C2orf78: variants seen among roughly 807,000 people sequenced by gnomAD.
The protein encoded by C2orf78 is uncharacterized protein C2orf78.
In C2orf78, 12 loss-of-function variants were observed where a neutral mutation model predicts 21.4. That is an observed-to-expected ratio of 0.56 (90% CI 0.36 to 0.91). The LOEUF is 0.91. Among genes scored for constraint, C2orf78 ranks in the 40% least tolerant of loss-of-function variants. The pLI is 0.01. For synonymous variants in C2orf78, 396 were observed against 413.9 expected, an observed-to-expected ratio of 0.96 and a Z score of 0.52; for missense variants, 1,042 against 1,092.4, an observed-to-expected ratio of 0.95 and a Z score of 0.65.
intron 1 of C2orf78, 117 bp from the exon 2 acceptor site, chr2:73,813,360 G>A (rs1219739207): frequency 1.9e-6 from 2 of 1,052,224 alleles, no homozygotes; most frequent in African/African-American, 3.2e-5. Flanking sequence ...GTATCTCAGT[G>A]AGTATTGGTA....
chr2:73,814,348 T>A, intron 2 of C2orf78, 122 bp downstream of exon 2: 4 of 1,102,064 alleles, frequency 3.6e-6, no homozygotes, highest in Non-Finnish European at 5.1e-6. Flanking sequence ...CAACCACTAT[T>A]CTTTGGCAGT....
chr2:73,816,566 C>T, exon 3 of C2orf78: 1 of 1,613,714 alleles, frequency 6.2e-7, no homozygotes, highest in African/African-American at 1.3e-5. Flanking sequence ...CAGGTCCTGC[C>T]ACACCAGCTC....
chr2:73,817,109 G>A (rs1673220568), exon 3 of C2orf78: 5 of 1,176,142 alleles, frequency 4.3e-6, no homozygotes, highest in Admixed American at 3.2e-5. Flanking sequence ...TAATAGAATT[G>A]ATTAATAGAT....
rs375344441 is a variant in C2orf78, at chr2:73,785,961, A to G, written c.97+1555A>G. Among the ~76,000 whole-genome samples the G allele has an allele frequency of 9.0e-4, 137 of 151,626 alleles. 1 individual carries two copies. The highest frequency in any genetic ancestry group is 2.5e-3 in the South Asian group (12 of 4,760). On this transcript the variant is annotated intron_variant, in intron 1 of 2. Transcript: ENST00000409561. ...CTTGGGAGGCTGAGGCAGGACAATC[A>G]CTTGAACCCGAGAGGCAAAGGTTGT...
intron 1 of C2orf78, chr2:73,809,005 A>G: frequency 1.8e-6 from 1 of 571,142 alleles, no homozygotes; most frequent in Non-Finnish European, 3.1e-6. Flanking sequence ...TAACAGGGAA[A>G]GTATTGAAGT....
chr2:73,815,093 G>A, exon 3 of C2orf78: 2 of 1,612,724 alleles, frequency 1.2e-6, no homozygotes, highest in South Asian at 2.2e-5. Context: ...CCCTGGGGAT[G>A]GATACTTCCC....
intron 1 of C2orf78, among the ~76,000 whole-genome samples, chr2:73,786,264 T>G (rs1202732847): frequency 6.6e-6 from 1 of 151,100 alleles, no homozygotes; most frequent in South Asian, 2.1e-4. Context: ...CCTGTAATCC[T>G]CCTACTTGGG....
chr2:73,816,122 C>T (rs201600044), exon 3 of C2orf78: 27 of 1,613,742 alleles, frequency 1.7e-5, no homozygotes, highest in African/African-American at 8.0e-5. Flanking sequence ...TGCTAGAGTC[C>T]GTGCAAGTTT....
chr2:73,811,024 C>G (rs999568033), intron 1 of C2orf78, among the ~76,000 whole-genome samples: 1 of 149,654 alleles, frequency 6.7e-6, no homozygotes, highest in Admixed American at 6.8e-5. Flanking sequence ...AGCTCGGTGG[C>G]TCACACCTAT....
chr2:73,816,336 C>T (rs1462932135), exon 3 of C2orf78: 1 of 1,613,834 alleles, frequency 6.2e-7, no homozygotes, highest in Admixed American at 1.7e-5. Context: ...GTGTACATCT[C>T]CATCCCACTC....
At position 73,814,296 on chromosome 2, in the gene C2orf78, G is replaced by A. The variant is rs900512874; in HGVS notation, c.847+70G>A. 6 of 1,474,966 alleles carry A rather than the reference G, an allele frequency of 4.1e-6. No homozygotes were observed. In the Admixed American group the frequency reaches 6.7e-5, roughly 16 times the overall value. 91.4% of individuals were successfully genotyped at this position (1,474,966 alleles called of 1,614,324 possible). A position where few individuals can be genotyped will look rare whatever the true frequency, so the allele number is the denominator to read the frequency against. The stretch of plus-strand genomic sequence containing the variant: ...AAAAGGAGGGTCAAATCTGTAGCGA[G>A]TGGTGAGTCCGTGGATAGGTAGAAT... On this transcript the variant is annotated intron_variant, in intron 2 of 2. Coordinates refer to ENST00000409561, the Ensembl canonical transcript of C2orf78.
At chr2:73,807,008 G>A (rs1178616080) in intron 1 of C2orf78, among the ~76,000 whole-genome samples, 3 of 141,934 alleles carry the variant, frequency 2.1e-5, no homozygotes, top group African/African-American at 2.9e-5. Flanking sequence ...GTGAAACCCC[G>A]TCTCTACAAA....
intron 1 of C2orf78, among the ~76,000 whole-genome samples, chr2:73,786,419 G>T (rs890579420): frequency 6.0e-5 from 8 of 132,332 alleles, no homozygotes; most frequent in African/African-American, 2.3e-4. Flanking sequence ...ATCAATGCAG[G>T]TATCTCTAAA....
chr2:73,816,970 A>T, exon 3 of C2orf78: 2 of 1,610,074 alleles, frequency 1.2e-6, no homozygotes, highest in Non-Finnish European at 1.7e-6. Flanking sequence ...GAAATTGCTG[A>T]ATACTATGGC....
At chr2:73,798,058 A>C (rs369465680) in intron 1 of C2orf78, among the ~76,000 whole-genome samples, 1 of 67,074 alleles carries the variant, frequency 1.5e-5, no homozygotes, top group Admixed American at 1.3e-4. Context: ...AGAAACTAAA[A>C]GAGAAGAGCC....
chr2:73,809,561 G>A (rs1468755335), intron 1 of C2orf78, among the ~76,000 whole-genome samples: 37 of 151,892 alleles, frequency 2.4e-4, no homozygotes, highest in African/African-American at 9.0e-4. Flanking sequence ...GAGGTGGGAG[G>A]ATCGCTTTGG....
At chr2:73,816,177 T>G in exon 3 of C2orf78, 1 of 1,613,804 alleles carries the variant, frequency 6.2e-7, no homozygotes, top group East Asian at 2.2e-5. Context: ...TGGATTCTCT[T>G]CCTCCAGGAC....
chr2:73,810,624 A>C (rs1673064019), intron 1 of C2orf78, among the ~76,000 whole-genome samples: 1 of 135,982 alleles, frequency 7.4e-6, no homozygotes, highest in African/African-American at 2.7e-5. Context: ...ATATATATAC[A>C]TAATATATAT....
chr2:73,807,903 C>A (rs192395974), intron 1 of C2orf78, among the ~76,000 whole-genome samples: 11 of 150,278 alleles, frequency 7.3e-5, no homozygotes, highest in African/African-American at 2.8e-4. Context: ...GGGCAATCAA[C>A]AAACTTTGCT....
Sources: gnomAD v4.1 joint callset for allele counts (sites outside exome capture counted in the v4.1 genomes callset) on GRCh38, gnomAD v4.1.1 for gene constraint, MANE v1.5 for transcripts, NCBI Gene and HGNC (gene_info 2026-07-23, HGNC 2026-07-21) for gene names.